Variants in ALK observed in about 807,000 individuals in gnomAD.
ALK encodes ALK receptor tyrosine kinase, also known as ALK tyrosine kinase receptor.
A neutral mutation model predicts 163.1 loss-of-function variants in ALK; 74 were observed. The observed-to-expected ratio is 0.45, with a 90% CI of 0.38 to 0.55. ALK has a LOEUF of 0.55. Among genes scored for constraint, ALK ranks in the 20% least tolerant of loss-of-function variants. ALK has a pLI of 0.00. For missense variants in ALK, 2,063 were observed against 2,105.3 expected, an observed-to-expected ratio of 0.98 and a Z score of 0.39; for synonymous variants, 960 against 843.2, an observed-to-expected ratio of 1.14 and a Z score of -2.40.
intron 11 of ALK, among the ~76,000 whole-genome samples, chr2:29,270,353 A>C (rs1200917898): frequency 6.6e-6 from 1 of 152,214 alleles, no homozygotes; most frequent in Non-Finnish European, 1.5e-5. Flanking sequence ...GGGGGATACT[A>C]TGATAGCACC....
At chr2:29,314,974 A>C (rs1410946287) in intron 8 of ALK, among the ~76,000 whole-genome samples, 1 of 152,164 alleles carries the variant, frequency 6.6e-6, no homozygotes, top group Non-Finnish European at 1.5e-5. Flanking sequence ...CATGAAAGCC[A>C]CTGCAAGCCT....
intron 5 of ALK, among the ~76,000 whole-genome samples, chr2:29,354,952 G>C (rs1405039210): frequency 1.3e-5 from 2 of 152,154 alleles, no homozygotes; most frequent in East Asian, 3.9e-4. Flanking sequence ...ATTTTTAGTA[G>C]AGACGGGGTT....
intron 1 of ALK, among the ~76,000 whole-genome samples, chr2:29,865,656 G>A (rs541920951): frequency 6.6e-6 from 1 of 152,292 alleles, no homozygotes; most frequent in East Asian, 1.9e-4. Context: ...ATGTCCACAG[G>A]GGTATGCGGT....
At chr2:29,761,584 T>G (rs147186210) in intron 1 of ALK, among the ~76,000 whole-genome samples, 1 of 152,148 alleles carries the variant, frequency 6.6e-6, no homozygotes, top group Non-Finnish European at 1.5e-5. Context: ...ATTGGAAATG[T>G]TCAGTGGAAT....
At chr2:29,580,509 A>C (rs1193826270) in intron 3 of ALK, among the ~76,000 whole-genome samples, 6 of 152,102 alleles carry the variant, frequency 3.9e-5, no homozygotes, top group African/African-American at 1.4e-4. Flanking sequence ...CATAACCCCC[A>C]TTTGATTCAA....
chr2:29,294,194 T>C (rs1573201133), intron 9 of ALK, among the ~76,000 whole-genome samples: 4 of 152,230 alleles, frequency 2.6e-5, no homozygotes, highest in African/African-American at 9.7e-5. Flanking sequence ...TATGTCTTCC[T>C]CTACCTTCTC....
intron 1 of ALK, among the ~76,000 whole-genome samples, chr2:29,815,870 G>T (rs1664882938): frequency 6.6e-6 from 1 of 152,130 alleles, no homozygotes; most frequent in South Asian, 2.1e-4. Context: ...TTTGTGTAAG[G>T]AGTCCATGAA....
At chr2:29,440,463 T>G (rs1359189285) in intron 4 of ALK, among the ~76,000 whole-genome samples, 2 of 151,746 alleles carry the variant, frequency 1.3e-5, no homozygotes, top group Non-Finnish European at 2.9e-5. Flanking sequence ...ATTACAGGCA[T>G]CTGCCACCAC....
At chr2:29,352,852 G>T in intron 5 of ALK, among the ~76,000 whole-genome samples, 1 of 152,312 alleles carries the variant, frequency 6.6e-6, no homozygotes, top group East Asian at 1.9e-4. Flanking sequence ...TTATGACAGT[G>T]AAAGAGATCT....
intron 24 of ALK, among the ~76,000 whole-genome samples, chr2:29,213,722 G>A (rs1044802388): frequency 6.6e-6 from 1 of 152,208 alleles, no homozygotes; most frequent in Non-Finnish European, 1.5e-5. Context: ...CATCGCTCAT[G>A]CCTGAAATCC....
At chr2:29,423,010 A>G (rs1292268543) in intron 4 of ALK, among the ~76,000 whole-genome samples, 2 of 151,868 alleles carry the variant, frequency 1.3e-5, no homozygotes, top group Admixed American at 6.6e-5. Context: ...GAGCGTGGGT[A>G]AGGACTGCTC....
chr2:29,629,343 A>G (rs1280209020), intron 3 of ALK, among the ~76,000 whole-genome samples: 1 of 152,198 alleles, frequency 6.6e-6, no homozygotes, highest in African/African-American at 2.4e-5. Flanking sequence ...AAAGAATGGC[A>G]TAAATGGAAA....
intron 3 of ALK, among the ~76,000 whole-genome samples, chr2:29,617,317 G>A (rs989087422): frequency 6.6e-6 from 1 of 152,160 alleles, no homozygotes; most frequent in African/African-American, 2.4e-5. Flanking sequence ...TCCTCACAAA[G>A]CATCAGGAAT....
At chr2:29,619,918 C>T (rs1469175270) in intron 3 of ALK, among the ~76,000 whole-genome samples, 1 of 152,164 alleles carries the variant, frequency 6.6e-6, no homozygotes, top group Admixed American at 6.5e-5. Context: ...CCCATACCCA[C>T]AGTGAGGGGC....
chr2:29,918,038 A>G (rs1667882297), intron 1 of ALK, among the ~76,000 whole-genome samples: 1 of 152,210 alleles, frequency 6.6e-6, no homozygotes, highest in South Asian at 2.1e-4. Context: ...GCCTTTCTAC[A>G]TAAACCTCCC....
chr2:29,653,306 C>A (rs1244288191), intron 3 of ALK, among the ~76,000 whole-genome samples: 2 of 152,104 alleles, frequency 1.3e-5, no homozygotes, highest in African/African-American at 4.8e-5. Context: ...AATATTGATG[C>A]TAAAGAGGGA....
chr2:29,857,081 A>C (rs1188212560), intron 1 of ALK, among the ~76,000 whole-genome samples: 1 of 152,188 alleles, frequency 6.6e-6, no homozygotes, highest in Non-Finnish European at 1.5e-5. Flanking sequence ...ATGTCTGTGG[A>C]GTTAGAACTG....
chr2:29,347,507 G>A (rs1447780622), intron 5 of ALK, among the ~76,000 whole-genome samples: 1 of 152,188 alleles, frequency 6.6e-6, no homozygotes, highest in African/African-American at 2.4e-5. Flanking sequence ...CTGCCGTTGA[G>A]ACCTTGGTCT....
intron 5 of ALK, among the ~76,000 whole-genome samples, chr2:29,336,939 G>A (rs757767154): frequency 6.6e-6 from 1 of 152,040 alleles, no homozygotes; most frequent in Non-Finnish European, 1.5e-5. Context: ...GAGGGGAGAC[G>A]ACACGTGGGG....
Sources: gnomAD v4.1 joint callset for allele counts (sites outside exome capture counted in the v4.1 genomes callset) on GRCh38, gnomAD v4.1.1 for gene constraint, MANE v1.5 for transcripts, NCBI Gene and HGNC (gene_info 2026-07-23, HGNC 2026-07-21) for gene names.